DCDC2: variants seen among roughly 807,000 people sequenced by gnomAD.
The protein encoded by DCDC2 is doublecortin domain containing 2, also known as doublecortin domain-containing protein 2.
A neutral mutation model predicts 50.2 loss-of-function variants in DCDC2; 40 were observed. That is an observed-to-expected ratio of 0.80 (90% confidence interval 0.62 to 1.04). DCDC2 has a LOEUF of 1.04. DCDC2 is among the 50% of genes least tolerant of loss of function. The pLI is 0.00. For synonymous variants in DCDC2, 234 were observed against 210.6 expected (o/e 1.11, Z -0.96); for missense variants, 570 against 581.9 (o/e 0.98, Z 0.21).
chr6:24,375,928 G>T, the DCDC2 span, among the ~76,000 whole-genome samples: 8 of 152,142 alleles, frequency 5.3e-5, no homozygotes, highest in East Asian at 1.5e-3. Context: ...AGTCTCAGCT[G>T]TATCTATCAC....
chr6:24,379,452 A>C, the DCDC2 span, among the ~76,000 whole-genome samples: 2 of 152,264 alleles, frequency 1.3e-5, no homozygotes, highest in African/African-American at 4.8e-5. Flanking sequence ...GCTGATCATC[A>C]CTGGTCATCA....
At chr6:24,223,383 A>T (rs61232212) in intron 7 of DCDC2, among the ~76,000 whole-genome samples, 11,989 of 152,240 alleles carry the variant, frequency 0.079, 759 homozygotes, top group African/African-American at 0.17. Flanking sequence ...ACTCTACGCA[A>T]ACATGAAGAG....
upstream of DCDC2, among the ~76,000 whole-genome samples, chr6:24,359,813 G>T (rs940826764): frequency 1.3e-5 from 2 of 152,130 alleles, no homozygotes; most frequent in South Asian, 2.1e-4. Flanking sequence ...GAAGACTCGC[G>T]TGTCTAGGAC....
intron 7 of DCDC2, among the ~76,000 whole-genome samples, chr6:24,261,759 C>T (rs1247965208): frequency 6.6e-6 from 1 of 152,156 alleles, no homozygotes; most frequent in East Asian, 1.9e-4. Flanking sequence ...AGCTCGTCAT[C>T]TACTAAGCAT....
the DCDC2 span, among the ~76,000 whole-genome samples, chr6:24,375,062 A>C: frequency 6.6e-6 from 1 of 152,158 alleles, no homozygotes; most frequent in Non-Finnish European, 1.5e-5. Context: ...CTGTGGTGAA[A>C]AGAGAAGGCC....
At chr6:24,235,101 A>G (rs1762415924) in intron 7 of DCDC2, among the ~76,000 whole-genome samples, 2 of 152,236 alleles carry the variant, frequency 1.3e-5, no homozygotes. Context: ...GAATTTTAGT[A>G]GCACTTAATT....
chr6:24,283,978 G>A (rs1763535593), intron 6 of DCDC2, among the ~76,000 whole-genome samples: 1 of 152,108 alleles, frequency 6.6e-6, no homozygotes, highest in Non-Finnish European at 1.5e-5. Context: ...ATGTCTTCAT[G>A]TATTTTTATT....
chr6:24,206,110 G>A (rs761728880), intron 7 of DCDC2, among the ~76,000 whole-genome samples: 10 of 151,890 alleles, frequency 6.6e-5, no homozygotes, highest in Non-Finnish European at 8.8e-5. Context: ...ATAATCTTTC[G>A]TATTGCTAAA....
chr6:24,269,906 CT>C (rs1424987043), intron 7 of DCDC2, among the ~76,000 whole-genome samples: 1 of 151,722 alleles, frequency 6.6e-6, no homozygotes, highest in Admixed American at 6.6e-5. Flanking sequence ...AGAAAAACGG[CT>C]TGTTAGTAAT....
At chr6:24,201,913 A>T (rs1761597145) in intron 8 of DCDC2, among the ~76,000 whole-genome samples, 1 of 152,212 alleles carries the variant, frequency 6.6e-6, no homozygotes, top group Admixed American at 6.5e-5. Flanking sequence ...ATTCATGGAC[A>T]CATACACCCT....
At chr6:24,209,395 T>A (rs1009675787) in intron 7 of DCDC2, among the ~76,000 whole-genome samples, 1 of 152,210 alleles carries the variant, frequency 6.6e-6, no homozygotes, top group African/African-American at 2.4e-5. Flanking sequence ...TCAGCTATTC[T>A]ACCACGACTC....
upstream of DCDC2, among the ~76,000 whole-genome samples, chr6:24,358,895 A>T (rs59257157): frequency 7.4e-5 from 3 of 40,614 alleles, no homozygotes; most frequent in Non-Finnish European, 7.1e-5. Context: ...ATATTTATAT[A>T]TATAATATAT....
chr6:24,332,074 T>C (rs1335665983), intron 2 of DCDC2, among the ~76,000 whole-genome samples: 1 of 152,218 alleles, frequency 6.6e-6, no homozygotes, highest in East Asian at 1.9e-4. Context: ...TCTAAAGGCA[T>C]GCGGTAGCTA....
At chr6:24,243,521 C>A (rs572510466) in intron 7 of DCDC2, among the ~76,000 whole-genome samples, 13 of 152,278 alleles carry the variant, frequency 8.5e-5, no homozygotes, top group Admixed American at 5.9e-4. Flanking sequence ...CGGAATAACA[C>A]CTGCCATCTT....
the DCDC2 span, among the ~76,000 whole-genome samples, chr6:24,381,822 G>GGAAGGAAGGAAGGAAGGAAGGAAA: frequency 8.0e-6 from 1 of 124,786 alleles, no homozygotes; most frequent in East Asian, 2.2e-4. Context: ...AAGGAAGGAA[G>GGAAGGAAGGAAGGAAGGAAGGAAA]GAAGGAAGGA....
intron 2 of DCDC2, among the ~76,000 whole-genome samples, chr6:24,340,307 A>G (rs753422522): frequency 6.6e-6 from 1 of 152,224 alleles, no homozygotes; most frequent in Non-Finnish European, 1.5e-5. Flanking sequence ...AGTCAAAGTT[A>G]ATCAATATTA....
At chr6:24,243,571 T>C (rs1214052920) in intron 7 of DCDC2, among the ~76,000 whole-genome samples, 1 of 152,200 alleles carries the variant, frequency 6.6e-6, no homozygotes, top group Non-Finnish European at 1.5e-5. Context: ...TGGCTCTCAT[T>C]TTTAATAGAA....
At chr6:24,247,341 A>T (rs1252873244) in intron 7 of DCDC2, among the ~76,000 whole-genome samples, 1 of 151,732 alleles carries the variant, frequency 6.6e-6, no homozygotes, top group Non-Finnish European at 1.5e-5. Flanking sequence ...ATTTTTATAT[A>T]TATATATAAA....
intron 2 of DCDC2, among the ~76,000 whole-genome samples, chr6:24,324,900 A>C (rs1394227723): frequency 6.6e-6 from 1 of 151,748 alleles, no homozygotes. Flanking sequence ...AAAACAAAGA[A>C]AGACAGAAAA....
Sources: allele counts gnomAD v4.1 joint callset (sites outside exome capture counted in the v4.1 genomes callset), GRCh38; gene constraint gnomAD v4.1.1; transcripts MANE v1.5; gene names NCBI Gene and HGNC (gene_info 2026-07-23, HGNC 2026-07-21).